SP4: variants seen among roughly 807,000 people sequenced by gnomAD.
SP4 encodes the protein Sp4 transcription factor, also known as transcription factor Sp4.
Under a neutral mutation model 72.8 loss-of-function variants are expected in SP4, and 19 were observed. The ratio of observed to expected loss-of-function variants is 0.26; its 90% confidence interval spans 0.18 to 0.38. The LOEUF (loss-of-function observed/expected upper bound fraction) is 0.38, where lower values mean the gene tolerates loss of function less well. Ranked by LOEUF, SP4 falls within the 10% of genes least tolerant of loss-of-function variation. The probability of loss-of-function intolerance (pLI) is 1.00; values close to 1 mark genes in which losing one functional copy is unlikely to be tolerated. For missense variants in SP4, 1,008 were observed against 926.3 expected (o/e 1.09, Z -1.14); for synonymous variants, 395 against 333.1 (o/e 1.19, Z -2.02).
intron 3 of SP4, among the ~76,000 whole-genome samples, chr7:21,474,333 C>T (rs1159378583): frequency 6.6e-6 from 1 of 152,200 alleles, no homozygotes; most frequent in African/African-American, 2.4e-5. Flanking sequence ...CCTGTGTCTT[C>T]AGGGGATGTA....
Position 21,428,737 on chromosome 7 carries a change from G to A in SP4, c.68G>A (p.Gly23Glu). 1.3e-6 allele frequency: 2 copies of A among 1,553,950 alleles called. No individual in the cohort carries two copies. Among genetic ancestry groups the A allele is most frequent in the African/African-American group, 1.4e-5 (1 of 73,138 alleles). ...AAAAAMATEGGKTSEPENNNK... is the reference protein window; with the variant it reads ...AAAAAMATEGEKTSEPENNNK... The stretch of plus-strand genomic sequence containing the variant: ...GCAGCGGCGATGGCTACAGAAGGAG[G>A]GAAAACCTCTGAGCCAGAGAATAAC... The change falls in exon 2 of 6, where the codon GGG (glycine) becomes GAG (glutamate). Residue 23 changes from glycine to glutamate, a missense_variant. By Grantham distance (98) the Gly-to-Glu change is moderately conservative. Coordinates refer to ENST00000222584, the MANE Select transcript of SP4 (RefSeq NM_003112.5).
At chr7:21,481,720 C>T (rs1298266241) in intron 4 of SP4, among the ~76,000 whole-genome samples, 1 of 152,170 alleles carries the variant, frequency 6.6e-6, no homozygotes, top group Non-Finnish European at 1.5e-5. Flanking sequence ...TTGAGATTAA[C>T]ACATTTTCAT....
At chr7:21,466,137 A>G (rs1784161538) in intron 3 of SP4, among the ~76,000 whole-genome samples, 1 of 152,124 alleles carries the variant, frequency 6.6e-6, no homozygotes, top group East Asian at 1.9e-4. Context: ...GTTATTGTGC[A>G]TATTATAATT....
intron 3 of SP4, among the ~76,000 whole-genome samples, chr7:21,463,385 A>G (rs1197278920): frequency 6.6e-6 from 1 of 152,212 alleles, no homozygotes; most frequent in African/African-American, 2.4e-5. Context: ...GGCTCAGGTA[A>G]TGTAAAGTTT....
intron 3 of SP4, among the ~76,000 whole-genome samples, chr7:21,443,854 A>G (rs2128395691): frequency 6.6e-6 from 1 of 152,380 alleles, no homozygotes; most frequent in African/African-American, 2.4e-5. Context: ...TTTTCCAAAT[A>G]TTTAAATCTA....
intron 5 of SP4, among the ~76,000 whole-genome samples, chr7:21,510,275 CA>C (rs1782107986): frequency 6.6e-6 from 1 of 152,178 alleles, no homozygotes; most frequent in Admixed American, 6.5e-5. Flanking sequence ...AACAGTTATT[CA>C]TTGTGCACAT....
intron 3 of SP4, among the ~76,000 whole-genome samples, chr7:21,452,209 A>T (rs1426632710): frequency 6.6e-6 from 1 of 152,160 alleles, no homozygotes; most frequent in African/African-American, 2.4e-5. Context: ...GATAGGACTG[A>T]TTTGTTTGCA....
intron 3 of SP4, among the ~76,000 whole-genome samples, chr7:21,438,933 T>C (rs1325301376): frequency 6.6e-6 from 1 of 152,250 alleles, no homozygotes; most frequent in Non-Finnish European, 1.5e-5. Flanking sequence ...GCAATTTGGA[T>C]ATATCCAAGA....
chr7:21,488,160 T>C (rs1304676429), intron 5 of SP4, among the ~76,000 whole-genome samples: 2 of 152,204 alleles, frequency 1.3e-5, no homozygotes, highest in Non-Finnish European at 2.9e-5. Flanking sequence ...CCACTGCCTC[T>C]GCCAAGCTAG....
intron 3 of SP4, among the ~76,000 whole-genome samples, chr7:21,449,549 ATATG>A (rs1783526941): frequency 6.6e-6 from 1 of 152,206 alleles, no homozygotes; most frequent in South Asian, 2.1e-4. Flanking sequence ...GTATAGGTAA[ATATG>A]TACATATGTT....
chr7:21,509,647 G>A (rs937471462), intron 5 of SP4, among the ~76,000 whole-genome samples: 7 of 151,474 alleles, frequency 4.6e-5, no homozygotes, highest in Non-Finnish European at 7.4e-5. Flanking sequence ...GAAGACTAAT[G>A]GTTTTTTCAA....
intron 5 of SP4, among the ~76,000 whole-genome samples, chr7:21,485,714 C>T (rs1784796598): frequency 6.6e-6 from 1 of 151,918 alleles, no homozygotes; most frequent in South Asian, 2.1e-4. Context: ...TTAGACAATG[C>T]CTTTTCTTTT....
chr7:21,481,741 TAC>T (rs1451595976), intron 4 of SP4, among the ~76,000 whole-genome samples, 181 bp from the exon 5 acceptor site: 1 of 152,226 alleles, frequency 6.6e-6, no homozygotes, highest in African/African-American at 2.4e-5. Flanking sequence ...AGCAATTTGG[TAC>T]ACAGACCTGT....
intron 3 of SP4, among the ~76,000 whole-genome samples, chr7:21,446,798 A>G (rs1352165292): frequency 6.7e-6 from 1 of 149,786 alleles, no homozygotes; most frequent in Non-Finnish European, 1.5e-5. Flanking sequence ...ATGTTCATAT[A>G]CGGGTTTGTT....
At chr7:21,474,722 A>G (rs919351099) in intron 3 of SP4, among the ~76,000 whole-genome samples, 6 of 152,204 alleles carry the variant, frequency 3.9e-5, no homozygotes, top group Non-Finnish European at 5.9e-5. Flanking sequence ...TTTAGAGTTG[A>G]GGAAACTGAG....
chr7:21,498,686 A>G (rs1360509166), intron 5 of SP4, among the ~76,000 whole-genome samples: 8 of 152,236 alleles, frequency 5.3e-5, no homozygotes, highest in Non-Finnish European at 1.0e-4. Flanking sequence ...AAACTTAACT[A>G]CTAATAGCCT....
At chr7:21,436,902 A>G (rs562145539) in intron 3 of SP4, among the ~76,000 whole-genome samples, 3 of 152,344 alleles carry the variant, frequency 2.0e-5, no homozygotes, top group Non-Finnish European at 4.4e-5. Flanking sequence ...ATTGAAGCCC[A>G]GAAAGGTTAA....
At chr7:21,498,655 G>A (rs577524469) in intron 5 of SP4, among the ~76,000 whole-genome samples, 4 of 152,118 alleles carry the variant, frequency 2.6e-5, no homozygotes, top group Non-Finnish European at 4.4e-5. Flanking sequence ...GAAAATTTGC[G>A]TGTAACTTTT....
intron 3 of SP4, among the ~76,000 whole-genome samples, chr7:21,432,903 A>C (rs1346291105): frequency 6.6e-6 from 1 of 152,174 alleles, no homozygotes; most frequent in Admixed American, 6.5e-5. Flanking sequence ...CTGAAGTAGG[A>C]GGATCGCTTG....
Sources: gnomAD v4.1 joint callset for allele counts (sites outside exome capture counted in the v4.1 genomes callset) on GRCh38, gnomAD v4.1.1 for gene constraint, MANE v1.5 for transcripts, NCBI Gene and HGNC (gene_info 2026-07-23, HGNC 2026-07-21) for gene names.